Variants in CRTAC1 observed in about 807,000 individuals in gnomAD.
CRTAC1 encodes cartilage acidic protein 1, also known as acidic secreted protein in cartilage.
CRTAC1 carries 37 observed loss-of-function variants against 67.8 expected under a neutral mutation model. The observed-to-expected ratio is 0.55, with a 90% CI of 0.42 to 0.72. The LOEUF (loss-of-function observed/expected upper bound fraction) is 0.72, where lower values mean the gene tolerates loss of function less well. Among genes scored for constraint, CRTAC1 ranks in the 30% least tolerant of loss-of-function variants. The probability of loss-of-function intolerance (pLI) is 0.00; values close to 1 mark genes in which losing one functional copy is unlikely to be tolerated. For synonymous variants in CRTAC1, 348 were observed against 371.0 expected (o/e 0.94, Z 0.71); for missense variants, 780 against 931.6 (o/e 0.84, Z 2.12).
chr10:97,962,293 G>A (rs1482982487), intron 2 of CRTAC1, among the ~76,000 whole-genome samples: 1 of 143,272 alleles, frequency 7.0e-6, no homozygotes, highest in Non-Finnish European at 1.5e-5. Context: ...CTACCTCGAA[G>A]TTTCTGATCC....
intron 1 of CRTAC1, among the ~76,000 whole-genome samples, chr10:98,024,746 CTTTTTTTTT>C (rs749919406): frequency 6.2e-5 from 4 of 65,024 alleles, no homozygotes; most frequent in Admixed American, 2.0e-4. Context: ...TTATATTATC[CTTTTTTTTT>C]TTTTTTTTTT....
At chr10:98,027,341 T>G (rs1305487704) in intron 1 of CRTAC1, among the ~76,000 whole-genome samples, 1 of 152,016 alleles carries the variant, frequency 6.6e-6, no homozygotes, top group Non-Finnish European at 1.5e-5. Context: ...TTGGCAAAAA[T>G]AGAATGTCCT....
chr10:97,882,672 C>T lies in CRTAC1; in HGVS notation c.1675+114G>A, dbSNP rs1033803755. 1.6e-5 allele frequency: 17 copies of T among 1,084,708 alleles called. No homozygotes were observed. The African/African-American group carries it at 2.3e-4, about 15-fold the overall frequency. 67.2% of individuals were successfully genotyped at this position (1,084,708 alleles called of 1,614,324 possible). ...GTCCCAGGACAAACAACACCCTCCCCTGTCCTCCTTTCTGCCCCTTGCTTG... is the reference window on the plus strand; with the variant it reads ...GTCCCAGGACAAACAACACCCTCCCTTGTCCTCCTTTCTGCCCCTTGCTTG... On this transcript the variant is annotated intron_variant, in intron 13 of 14. Transcript: ENST00000370597.
intron 2 of CRTAC1, among the ~76,000 whole-genome samples, chr10:98,004,509 T>G (rs372095326): frequency 6.6e-6 from 1 of 152,210 alleles, no homozygotes; most frequent in Non-Finnish European, 1.5e-5. Context: ...AGCAATTTGG[T>G]GATATCTAAT....
chr10:98,014,379 C>A (rs537879357), intron 1 of CRTAC1, among the ~76,000 whole-genome samples: 1 of 152,196 alleles, frequency 6.6e-6, no homozygotes, highest in South Asian at 2.1e-4. Context: ...ATCTGGGGAG[C>A]TTTAAAAAAA....
chr10:97,901,410 A>T, intron 8 of CRTAC1, 93 bp downstream of exon 8: 1 of 1,521,886 alleles, frequency 6.6e-7, no homozygotes, highest in Non-Finnish European at 9.0e-7. Flanking sequence ...GGCCCTGGGA[A>T]CCCTCCCCTT....
At chr10:97,882,635 T>C in intron 13 of CRTAC1, 151 bp downstream of exon 13, 1 of 740,266 alleles carries the variant, frequency 1.4e-6, no homozygotes, top group Non-Finnish European at 2.3e-6. Flanking sequence ...GGTGGTTGTC[T>C]TGGCATCTGG....
At chr10:97,925,113 C>T (rs2050893699) in intron 3 of CRTAC1, among the ~76,000 whole-genome samples, 1 of 152,056 alleles carries the variant, frequency 6.6e-6, no homozygotes. Context: ...AAACCCTCCC[C>T]CTCAAAAATT....
At chr10:97,897,071 C>A in intron 8 of CRTAC1, 80 bp from the exon 9 acceptor site, 2 of 1,015,788 alleles carry the variant, frequency 2.0e-6, no homozygotes, top group South Asian at 3.2e-5. Context: ...CCATTCTGTC[C>A]CCTGAGCATC....
chr10:97,941,452 G>C (rs1208359744), intron 2 of CRTAC1, among the ~76,000 whole-genome samples: 2 of 151,860 alleles, frequency 1.3e-5, no homozygotes, highest in African/African-American at 4.8e-5. Flanking sequence ...CAAATCCCCA[G>C]TCCCAGGTCA....
chr10:97,984,639 TCTCAAATGCAAAA>T (rs1444089977), intron 2 of CRTAC1, among the ~76,000 whole-genome samples: 1 of 152,194 alleles, frequency 6.6e-6, no homozygotes, highest in Non-Finnish European at 1.5e-5. Context: ...CCCAAGGTCA[TCTCAAATGCAAAA>T]CTCCTGCACT....
intron 14 of CRTAC1, among the ~76,000 whole-genome samples, chr10:97,872,991 C>T (rs1411753744): frequency 2.0e-5 from 3 of 152,304 alleles, no homozygotes; most frequent in East Asian, 1.9e-4. Flanking sequence ...GGAGGTTAAA[C>T]GTCCTGGCAC....
chr10:97,901,997 G>A (rs2050548294), intron 7 of CRTAC1, among the ~76,000 whole-genome samples: 1 of 152,200 alleles, frequency 6.6e-6, no homozygotes, highest in Non-Finnish European at 1.5e-5. Context: ...GAGGGGAACT[G>A]CGATGTCACA....
intron 2 of CRTAC1, among the ~76,000 whole-genome samples, chr10:97,968,314 C>T (rs1466584480): frequency 6.6e-6 from 1 of 152,188 alleles, no homozygotes; most frequent in African/African-American, 2.4e-5. Flanking sequence ...ACTATTTTGG[C>T]TCACTGCAAC....
intron 2 of CRTAC1, among the ~76,000 whole-genome samples, chr10:98,006,112 C>A (rs1032600899): frequency 6.6e-6 from 1 of 152,170 alleles, no homozygotes; most frequent in African/African-American, 2.4e-5. Flanking sequence ...GGGGTGTTAC[C>A]TCAGACCTCT....
chr10:97,913,957 T>C (rs58204099), intron 5 of CRTAC1, among the ~76,000 whole-genome samples: 6,804 of 152,328 alleles, frequency 0.045, 498 homozygotes, highest in African/African-American at 0.15. Context: ...CTTTGTTCCA[T>C]ACTGCTCCCA....
Position 97,885,608 on chromosome 10 carries a change from C to T in CRTAC1, c.1487-1257G>A, listed in dbSNP as rs141026646. On this transcript the variant is annotated intron_variant, in intron 11 of 14. Coordinates refer to ENST00000370597, the MANE Select transcript of CRTAC1 (RefSeq NM_018058.7). Reference sequence around the variant, plus strand: ...CCCGCGTAAGGAAACAGGCCCGTCACTGTGGCAAGGTCAGGCTAATGGTGA... The same window carrying T: ...CCCGCGTAAGGAAACAGGCCCGTCATTGTGGCAAGGTCAGGCTAATGGTGA... Among the ~76,000 whole-genome samples the T allele has an allele frequency of 4.2e-3, 634 of 152,342 alleles. 3 individuals carry two copies. The highest frequency in any genetic ancestry group is 0.014 in the African/African-American group (590 of 41,586).
intron 9 of CRTAC1, among the ~76,000 whole-genome samples, chr10:97,896,458 A>T (rs1447601687): frequency 6.6e-6 from 1 of 152,126 alleles, no homozygotes; most frequent in Admixed American, 6.5e-5. Flanking sequence ...CTTTTCCAAG[A>T]CCACAAAGTG....
At chr10:97,917,474 A>G in intron 5 of CRTAC1, 26 bp downstream of exon 5, 2 of 1,470,634 alleles carry the variant, frequency 1.4e-6, no homozygotes, top group Non-Finnish European at 9.1e-7. Flanking sequence ...CCTCCAGCAT[A>G]CTACCTCCCA....
Sources: allele counts gnomAD v4.1 joint callset (sites outside exome capture counted in the v4.1 genomes callset), GRCh38; gene constraint gnomAD v4.1.1; transcripts MANE v1.5; gene names NCBI Gene and HGNC (gene_info 2026-07-23, HGNC 2026-07-21).